Variants in GHR observed in about 807,000 individuals in gnomAD.
GHR encodes GH receptor.
GHR carries 35 observed loss-of-function variants against 67.1 expected under a neutral mutation model. That is an observed-to-expected ratio of 0.52 (90% CI 0.40 to 0.69). The LOEUF is 0.69. Ranked by LOEUF, GHR falls within the 30% of genes least tolerant of loss-of-function variation. The probability of loss-of-function intolerance (pLI) is 0.00; values close to 1 mark genes in which losing one functional copy is unlikely to be tolerated. For synonymous variants in GHR, 272 were observed against 269.1 expected (o/e 1.01, Z -0.10); for missense variants, 792 against 764.6 (o/e 1.04, Z -0.42).
intron 1 of GHR, among the ~76,000 whole-genome samples, chr5:42,460,409 T>G (rs980492947): frequency 1.3e-5 from 2 of 152,210 alleles, no homozygotes; most frequent in African/African-American, 4.8e-5. Flanking sequence ...AGCTAACACA[T>G]TACATTTTCT....
At chr5:42,540,020 A>T (rs578157151) in intron 1 of GHR, among the ~76,000 whole-genome samples, 1 of 152,330 alleles carries the variant, frequency 6.6e-6, no homozygotes, top group African/African-American at 2.4e-5. Flanking sequence ...AGTTTATCAC[A>T]AGTATTAGCC....
intron 2 of GHR, 122 bp downstream of exon 2, chr5:42,566,066 G>A: frequency 2.7e-6 from 3 of 1,124,926 alleles, no homozygotes; most frequent in Non-Finnish European, 4.0e-6. Flanking sequence ...GCAGCAAAAA[G>A]GAAACTTGAC....
chr5:42,657,852 C>T (rs1338491463), intron 3 of GHR, among the ~76,000 whole-genome samples: 3 of 152,138 alleles, frequency 2.0e-5, no homozygotes, highest in Non-Finnish European at 4.4e-5. Flanking sequence ...AACTCCTGAG[C>T]TCAAGTGATC....
intron 1 of GHR, among the ~76,000 whole-genome samples, chr5:42,550,778 C>A (rs1052255259): frequency 6.6e-6 from 1 of 152,096 alleles, no homozygotes; most frequent in African/African-American, 2.4e-5. Context: ...CAAAGGGGCA[C>A]GTGTTTAGTG....
At chr5:42,684,609 C>T (rs1017905142) in intron 3 of GHR, among the ~76,000 whole-genome samples, 2 of 152,114 alleles carry the variant, frequency 1.3e-5, no homozygotes, top group African/African-American at 2.4e-5. Flanking sequence ...AATGTGGGCT[C>T]GTACACCTCA....
rs1753123186 is a variant in GHR at position 42,615,874 on chromosome 5, G to C, written c.71-13164G>C. ...AAATGTTCGCAGAGGGAAAACAATGGAAATTCCTAGAAGCTTTAGATAGAT... is the reference window on the plus strand; with the variant it reads ...AAATGTTCGCAGAGGGAAAACAATGCAAATTCCTAGAAGCTTTAGATAGAT... On this transcript the variant is annotated intron_variant, in intron 2 of 9. Coordinates refer to ENST00000230882, the MANE Select transcript of GHR (RefSeq NM_000163.5). 2.0e-5 allele frequency among the ~76,000 whole-genome samples: 3 copies of C among 152,056 alleles called. No homozygotes were observed. The South Asian group carries it at 6.2e-4, about 32-fold the overall frequency.
intron 2 of GHR, among the ~76,000 whole-genome samples, chr5:42,591,358 T>C (rs1361022323): frequency 6.6e-6 from 1 of 152,252 alleles, no homozygotes; most frequent in African/African-American, 2.4e-5. Context: ...TCTTGTTCTG[T>C]CATTCTCCAG....
chr5:42,556,230 A>C (rs901377787), intron 1 of GHR, among the ~76,000 whole-genome samples: 2 of 152,202 alleles, frequency 1.3e-5, no homozygotes, highest in Non-Finnish European at 2.9e-5. Flanking sequence ...GCAGGAATAC[A>C]TGCACTTCTT....
chr5:42,437,765 A>C (rs897543303), intron 1 of GHR, among the ~76,000 whole-genome samples: 2 of 151,634 alleles, frequency 1.3e-5, no homozygotes, highest in African/African-American at 4.8e-5. Flanking sequence ...CAGGTTGCCC[A>C]GGCTGATCTT....
At chr5:42,603,471 A>G (rs1383167880) in intron 2 of GHR, among the ~76,000 whole-genome samples, 1 of 152,002 alleles carries the variant, frequency 6.6e-6, no homozygotes, top group Non-Finnish European at 1.5e-5. Context: ...TATATTCCGT[A>G]ATATGTATAT....
At chr5:42,577,853 G>A (rs1388999196) in intron 2 of GHR, among the ~76,000 whole-genome samples, 1 of 152,186 alleles carries the variant, frequency 6.6e-6, no homozygotes, top group Non-Finnish European at 1.5e-5. Context: ...CCATGAACTT[G>A]CTGTTCCTCT....
intron 2 of GHR, among the ~76,000 whole-genome samples, chr5:42,589,520 C>T (rs974180487): frequency 3.3e-5 from 5 of 152,164 alleles, no homozygotes; most frequent in Admixed American, 2.6e-4. Flanking sequence ...TGAGATCAGA[C>T]AAAATTTACC....
chr5:42,687,894 T>C (rs1165801738), intron 3 of GHR, among the ~76,000 whole-genome samples: 1 of 152,126 alleles, frequency 6.6e-6, no homozygotes, highest in Non-Finnish European at 1.5e-5. Context: ...AAAATGGCCA[T>C]GGACATCAGA....
At chr5:42,520,845 T>C (rs1448387579) in intron 1 of GHR, among the ~76,000 whole-genome samples, 1 of 152,138 alleles carries the variant, frequency 6.6e-6, no homozygotes, top group Non-Finnish European at 1.5e-5. Context: ...TTTTTGTCAT[T>C]CAGATCTCAG....
intron 1 of GHR, among the ~76,000 whole-genome samples, chr5:42,513,102 T>A (rs183530449): frequency 6.3e-4 from 96 of 152,354 alleles, no homozygotes; most frequent in Non-Finnish European, 7.1e-4. Context: ...TGTGTATCAT[T>A]AGCAATAGCA....
At chr5:42,489,040 A>C (rs2940944) in intron 1 of GHR, among the ~76,000 whole-genome samples, 70,625 of 151,696 alleles carry the variant, frequency 0.47, 16,920 homozygotes, top group Middle Eastern at 0.52. Flanking sequence ...CTTATTTCCT[A>C]TTCCTTCCAT....
At chr5:42,640,786 C>T (rs555480887) in intron 3 of GHR, among the ~76,000 whole-genome samples, 2 of 140,164 alleles carry the variant, frequency 1.4e-5, no homozygotes, top group African/African-American at 5.7e-5. Context: ...GTGTGTGTAT[C>T]TTTTAATTGC....
chr5:42,623,349 T>TA (rs1477130296), intron 2 of GHR, among the ~76,000 whole-genome samples: 2 of 152,138 alleles, frequency 1.3e-5, no homozygotes, highest in Non-Finnish European at 2.9e-5. Context: ...ACCCCAAGCA[T>TA]AGCAAATTAA....
intron 1 of GHR, among the ~76,000 whole-genome samples, chr5:42,463,212 A>C (rs1744561636): frequency 6.6e-6 from 1 of 152,248 alleles, no homozygotes; most frequent in Non-Finnish European, 1.5e-5. Context: ...TTTAATAAGC[A>C]GAGTTTTCTT....
Sources: allele counts gnomAD v4.1 joint callset (sites outside exome capture counted in the v4.1 genomes callset), GRCh38; gene constraint gnomAD v4.1.1; transcripts MANE v1.5; gene names NCBI Gene and HGNC (gene_info 2026-07-23, HGNC 2026-07-21).